The following SEMA5B variants were observed in gnomAD, a reference collection of about 807,000 sequenced individuals.
SEMA5B encodes semaphorin 5B, also known as semaphorin-5B.
A neutral mutation model predicts 135.0 loss-of-function variants in SEMA5B; 66 were observed. The ratio of observed to expected loss-of-function variants is 0.49; its 90% CI spans 0.40 to 0.60. The LOEUF is 0.60. SEMA5B is among the 20% of genes least tolerant of loss of function. The pLI is 0.00. For missense variants in SEMA5B, 1,501 were observed against 1,566.3 expected, an observed-to-expected ratio of 0.96 and a Z score of 0.70; for synonymous variants, 690 against 639.5, an observed-to-expected ratio of 1.08 and a Z score of -1.19.
Position 122,910,153 on chromosome 3 carries a change from G to C in SEMA5B, c.3446C>G (p.Pro1149Arg). 1.9e-6 allele frequency: 3 copies of C among 1,614,092 alleles called. No homozygotes were observed. Among genetic ancestry groups the C allele is most frequent in the South Asian group, 1.1e-5 (1 of 91,054 alleles). The change falls in exon 23 of 23, where the codon CCC (proline) becomes CGC (arginine). Residue 1149 changes from proline (P) to arginine (R), a missense_variant. This residue lies in a region of SEMA5B where 927 missense variants were observed against 881.6 expected (regional missense o/e 1.05). Transcript: ENST00000357599. The stretch of plus-strand genomic sequence containing the variant: ...CCCAGGACGGCGGTATCAGCTGTTG[G>C]GGAAGCACCGTTGTCCAGGTGAGGC... ...PEASPGQRCF[P>R]NS
chr3:123,023,380 C>T (rs746851046), intron 1 of SEMA5B, among the ~76,000 whole-genome samples: 1 of 151,222 alleles, frequency 6.6e-6, no homozygotes, highest in Admixed American at 6.6e-5. Flanking sequence ...AGCTAGTGAT[C>T]AAGGTGACTG....
At position 123,000,331 on chromosome 3, in the gene SEMA5B, G is replaced by T. The variant is rs566762239; in HGVS notation, c.-39+27133C>A. 2.0e-5 allele frequency among the ~76,000 whole-genome samples: 3 copies of T among 152,322 alleles called. No homozygotes were observed. The East Asian group carries it at 5.8e-4, about 29-fold the overall frequency. On this transcript the variant is annotated intron_variant, in intron 1 of 22. Transcript: ENST00000357599. ...ATGGGGAGCAGGTCCCAGAGGTGGT[G>T]CAGGTGCAAACCCTGGGCAAAGGTT...
intron 1 of SEMA5B, among the ~76,000 whole-genome samples, chr3:122,980,941 C>T (rs1243772827): frequency 6.6e-6 from 1 of 152,242 alleles, no homozygotes; most frequent in East Asian, 1.9e-4. Context: ...TGGCTTACTT[C>T]ACTTAGCATA....
chr3:122,955,154 C>T (rs912337041), intron 2 of SEMA5B, among the ~76,000 whole-genome samples: 12 of 151,190 alleles, frequency 7.9e-5, no homozygotes, highest in African/African-American at 2.7e-4. Flanking sequence ...AAACAAAGGA[C>T]GTGACCTTTA....
chr3:123,026,729 A>G (rs2107857922), intron 1 of SEMA5B, among the ~76,000 whole-genome samples: 1 of 152,328 alleles, frequency 6.6e-6, no homozygotes, highest in African/African-American at 2.4e-5. Flanking sequence ...GTGAATGGGC[A>G]GCCCCAACCA....
chr3:122,940,815 G>A (rs1467192878), intron 4 of SEMA5B, among the ~76,000 whole-genome samples: 2 of 152,168 alleles, frequency 1.3e-5, no homozygotes, highest in Non-Finnish European at 2.9e-5. Flanking sequence ...CCCTCCCCAA[G>A]TCCTTAGCAG....
intron 1 of SEMA5B, among the ~76,000 whole-genome samples, chr3:123,003,834 C>CAATA (rs10571905): frequency 9.6e-5 from 14 of 146,590 alleles, no homozygotes; most frequent in South Asian, 4.4e-4. Context: ...ACTCTTATCT[C>CAATA]AATAAATAAA....
Position 122,925,256 on chromosome 3 carries a change from C to T in SEMA5B, c.1136+1136G>A, listed in dbSNP as rs546788910. Among the ~76,000 whole-genome samples, 38 of 152,226 alleles carry T rather than the reference C, an allele frequency of 2.5e-4. No individual in the cohort carries two copies. In the South Asian group the frequency reaches 7.1e-3, roughly 28 times the overall value. ...GCCTTCCTTGGTCTCGGTGCCCACCCATCACTGTCTATATCAGGGTGTCCA... is the reference window on the plus strand; with the variant it reads ...GCCTTCCTTGGTCTCGGTGCCCACCTATCACTGTCTATATCAGGGTGTCCA... On this transcript the variant is annotated intron_variant, in intron 9 of 22. Transcript: ENST00000357599.
Position 122,961,219 on chromosome 3 carries a change from G to T in SEMA5B, c.45C>A (p.Val15=). ...GGGCTGGGGTATCAGGCGGCCCAGG[G>T]ACGAGGTGGTGGGCAACAGGAGACG... ...FSPSPVAHHL[V]PGPPDTPAQQ... is the part of the protein sequence containing the mutation. Residue 15 remains valine (V), a synonymous_variant, in exon 2 of 23, where the codon GTC becomes GTA. Coordinates refer to ENST00000357599, the MANE Select transcript of SEMA5B (RefSeq NM_001031702.4). 6.2e-7 allele frequency: 1 copy of T among 1,614,050 alleles called. No individual in the cohort carries two copies. The highest frequency in any genetic ancestry group is 8.5e-7 in the Non-Finnish European group (1 of 1,179,954).
chr3:123,013,277 A>G (rs1942478259), intron 1 of SEMA5B, among the ~76,000 whole-genome samples: 1 of 152,180 alleles, frequency 6.6e-6, no homozygotes, highest in Admixed American at 6.5e-5. Flanking sequence ...CTTTTAAAAC[A>G]GGCTGCTACA....
At chr3:122,935,634 C>T (rs1000369906) in intron 5 of SEMA5B, among the ~76,000 whole-genome samples, 3 of 151,186 alleles carry the variant, frequency 2.0e-5, no homozygotes, top group Admixed American at 2.0e-4. Flanking sequence ...TCCACTGCAT[C>T]CCTTCTGCAA....
Position 122,948,520 on chromosome 3 carries a change from G to A in SEMA5B, c.314C>T (p.Thr105Ile), listed in dbSNP as rs754692163. The change falls in exon 3 of 23, where the codon ACC becomes ATC. Residue 105 changes from threonine to isoleucine, a missense_variant. Transcript: ENST00000357599. The part of the protein sequence containing the change: ...QQLCALSKHP[T>I]VAFEDLQPWV... ...GCAACTCTTACCTTCAAAGGCCACG[G>A]TGGGGTGCTTGCTAAGGGCGCACAG... The A allele has an allele frequency of 6.2e-7, 1 of 1,604,714 alleles. No individual in the cohort carries two copies. Among genetic ancestry groups the A allele is most frequent in the Admixed American group, 1.7e-5 (1 of 59,762 alleles).
intron 22 of SEMA5B, 73 bp from the exon 23 acceptor site, chr3:122,910,374 A>C: frequency 6.6e-7 from 1 of 1,516,278 alleles, no homozygotes; most frequent in South Asian, 1.2e-5. Context: ...CAGAGCAAGG[A>C]GTCCAGAAGC....
intron 1 of SEMA5B, among the ~76,000 whole-genome samples, chr3:122,982,248 G>T (rs1941543266): frequency 6.6e-6 from 1 of 152,196 alleles, no homozygotes. Flanking sequence ...CCGGAAGAGG[G>T]TTTCCTCTGG....
intron 1 of SEMA5B, among the ~76,000 whole-genome samples, chr3:123,024,488 T>C (rs1025067275): frequency 2.0e-5 from 3 of 152,252 alleles, no homozygotes; most frequent in Non-Finnish European, 2.9e-5. Flanking sequence ...TTACACCCAC[T>C]GGATTCCCAG....
At chr3:122,922,569 C>A in intron 10 of SEMA5B, 122 bp from the exon 11 acceptor site, 1 of 859,188 alleles carries the variant, frequency 1.2e-6, no homozygotes, top group Non-Finnish European at 1.8e-6. Context: ...CCAGCACCCC[C>A]CACCCCTAGC....
chr3:122,967,381 G>A (rs907365905), intron 1 of SEMA5B, among the ~76,000 whole-genome samples: 5 of 152,242 alleles, frequency 3.3e-5, no homozygotes, highest in East Asian at 3.9e-4. Flanking sequence ...TTGAATTAAC[G>A]TGGCATTTCC....
chr3:123,005,933 C>T (rs1490737396), intron 1 of SEMA5B, among the ~76,000 whole-genome samples: 1 of 152,238 alleles, frequency 6.6e-6, no homozygotes, highest in Non-Finnish European at 1.5e-5. Flanking sequence ...AGGCTCTTCT[C>T]ATTCTGGCTT....
chr3:122,984,751 T>C (rs979003769), intron 1 of SEMA5B, among the ~76,000 whole-genome samples: 14 of 152,068 alleles, frequency 9.2e-5, no homozygotes, highest in Non-Finnish European at 1.6e-4. Flanking sequence ...AAAAAAGTTC[T>C]ACTTAAAAAA....
Sources: gnomAD v4.1 joint callset for allele counts (sites outside exome capture counted in the v4.1 genomes callset) on GRCh38, gnomAD v4.1.1 for gene constraint, gnomAD v4.1.1 regional missense constraint, MANE v1.5 for transcripts, NCBI Gene and HGNC (gene_info 2026-07-23, HGNC 2026-07-21) for gene names.